PAK5: variants seen among roughly 807,000 people sequenced by gnomAD.
PAK5 encodes serine/threonine-protein kinase PAK 5.
Under a neutral mutation model 65.9 loss-of-function variants are expected in PAK5, and 16 were observed. The observed-to-expected ratio is 0.24, with a 90% CI of 0.16 to 0.37. The LOEUF (loss-of-function observed/expected upper bound fraction) is 0.37, where lower values mean the gene tolerates loss of function less well. Ranked by LOEUF, PAK5 falls within the 10% of genes least tolerant of loss-of-function variation. The pLI is 1.00. For missense variants in PAK5, 785 were observed against 903.9 expected (o/e 0.87, Z 1.69); for synonymous variants, 371 against 354.9 (o/e 1.05, Z -0.51).
intron 2 of PAK5, among the ~76,000 whole-genome samples, chr20:9,693,132 C>T (rs1483550605): frequency 1.3e-5 from 2 of 151,914 alleles, no homozygotes; most frequent in Non-Finnish European, 1.5e-5. Flanking sequence ...TTCCTGGTTC[C>T]GTGGATGGCA....
At chr20:9,743,401 C>CAAATG (rs1555920445) in intron 1 of PAK5, among the ~76,000 whole-genome samples, 9 of 56,050 alleles carry the variant, frequency 1.6e-4, no homozygotes, top group East Asian at 4.4e-4. Flanking sequence ...CAAAAAAAAA[C>CAAATG]AAACGAAACA....
intron 3 of PAK5, among the ~76,000 whole-genome samples, chr20:9,642,340 T>C (rs1391851220): frequency 6.6e-6 from 1 of 152,332 alleles, no homozygotes; most frequent in Non-Finnish European, 1.5e-5. Flanking sequence ...TTTTTAATGA[T>C]CACCATTCTA....
At chr20:9,771,661 T>A (rs1248325698) in intron 1 of PAK5, among the ~76,000 whole-genome samples, 2 of 146,744 alleles carry the variant, frequency 1.4e-5, no homozygotes, top group Non-Finnish European at 3.0e-5. Context: ...CCTCAAGTAA[T>A]CCTCCTGTAT....
chr20:9,543,891 T>C (rs543973571), intron 8 of PAK5, among the ~76,000 whole-genome samples: 1 of 152,338 alleles, frequency 6.6e-6, no homozygotes, highest in African/African-American at 2.4e-5. Context: ...ATATTATTTT[T>C]TTCCTATGAG....
chr20:9,667,349 T>TCCCAACCCTTCATCTGTTCCCACCAA (rs758811708), intron 2 of PAK5, among the ~76,000 whole-genome samples: 7 of 144,888 alleles, frequency 4.8e-5, no homozygotes, highest in South Asian at 2.1e-4. Context: ...GGCAGAGTTA[T>TCCCAACCCTTCATCTGTTCCCACCAA]GCTTTGCCAG....
chr20:9,756,790 T>C (rs1014348120), intron 1 of PAK5, among the ~76,000 whole-genome samples: 3 of 151,882 alleles, frequency 2.0e-5, no homozygotes, highest in African/African-American at 4.8e-5. Context: ...CTAAGGCATG[T>C]CCTCTCTCTA....
At chr20:9,816,639 A>G (rs754093993) in intron 1 of PAK5, among the ~76,000 whole-genome samples, 14 of 152,142 alleles carry the variant, frequency 9.2e-5, no homozygotes, top group Non-Finnish European at 1.8e-4. Flanking sequence ...ATTCTGACTC[A>G]GATTGGAATC....
At chr20:9,542,929 A>G (rs1385706356) in intron 8 of PAK5, among the ~76,000 whole-genome samples, 1 of 152,230 alleles carries the variant, frequency 6.6e-6, no homozygotes, top group Non-Finnish European at 1.5e-5. Flanking sequence ...TGAAGGTTCC[A>G]CCCATCAGAC....
chr20:9,762,391 A>G (rs983335695), intron 1 of PAK5, among the ~76,000 whole-genome samples: 5 of 152,192 alleles, frequency 3.3e-5, no homozygotes, highest in Non-Finnish European at 4.4e-5. Context: ...TCCAAAATCT[A>G]TAACAAACTC....
intron 1 of PAK5, among the ~76,000 whole-genome samples, chr20:9,756,810 G>C (rs1023936242): frequency 2.6e-5 from 4 of 152,104 alleles, no homozygotes; most frequent in Non-Finnish European, 4.4e-5. Context: ...ACACAGCAAA[G>C]GCCGGTTACT....
rs769510855 is a variant in PAK5, at chr20:9,580,304, G to A, written c.831C>T (p.Ser277=). The A allele has an allele frequency of 1.2e-6, 2 of 1,614,128 alleles. No homozygotes were observed. The highest frequency in any genetic ancestry group is 4.5e-5 in the East Asian group (2 of 44,874). The part of the protein sequence containing the change: ...RPKSSYLNQT[S]PQPTMRQRSR... ...ACCTCTGCCGCATGGTGGGCTGAGGGCTTGTCTGATTCAGGTACGAAGACT... is the reference window on the plus strand; with the variant it reads ...ACCTCTGCCGCATGGTGGGCTGAGGACTTGTCTGATTCAGGTACGAAGACT... The change falls in exon 4 of 10, where the codon AGC becomes AGT. Residue 277 remains serine (S), a synonymous_variant. Coordinates refer to ENST00000353224, the MANE Select transcript of PAK5 (RefSeq NM_177990.4).
intron 1 of PAK5, among the ~76,000 whole-genome samples, chr20:9,837,795 T>C (rs1002290462): frequency 6.6e-6 from 1 of 152,212 alleles, no homozygotes; most frequent in African/African-American, 2.4e-5. Context: ...TGTTCAGTCT[T>C]TCAAGCTGTC....
intron 2 of PAK5, among the ~76,000 whole-genome samples, chr20:9,695,801 T>TA (rs1005662790): frequency 6.0e-4 from 89 of 148,000 alleles, no homozygotes; most frequent in Admixed American, 1.6e-3. Flanking sequence ...TCTCAAATTC[T>TA]AAAAAAAAAA....
chr20:9,731,629 G>A (rs2048335734), intron 1 of PAK5, among the ~76,000 whole-genome samples: 1 of 152,156 alleles, frequency 6.6e-6, no homozygotes, highest in Non-Finnish European at 1.5e-5. Flanking sequence ...TCTAAAACAT[G>A]TTGATAGAAA....
chr20:9,697,488 G>A (rs1466226770), intron 2 of PAK5, among the ~76,000 whole-genome samples: 1 of 152,044 alleles, frequency 6.6e-6, no homozygotes, highest in Admixed American at 6.6e-5. Flanking sequence ...CCCTCTCAGA[G>A]AAGCTCCCCA....
intron 1 of PAK5, among the ~76,000 whole-genome samples, chr20:9,730,009 AAAAAAGAG>A (rs1388588292): frequency 1.2e-5 from 1 of 86,186 alleles, no homozygotes; most frequent in Non-Finnish European, 2.3e-5. Context: ...AAAAAAAAAA[AAAAAAGAG>A]AGAGAGAGAG....
chr20:9,655,596 G>C (rs1298948705), intron 2 of PAK5, among the ~76,000 whole-genome samples: 2 of 151,974 alleles, frequency 1.3e-5, no homozygotes, highest in Non-Finnish European at 2.9e-5. Context: ...TTTACGTTCT[G>C]GGGCTCTTAA....
intron 1 of PAK5, among the ~76,000 whole-genome samples, chr20:9,727,415 A>C (rs898739575): frequency 6.6e-6 from 1 of 152,152 alleles, no homozygotes; most frequent in African/African-American, 2.4e-5. Context: ...AAAAGTTACT[A>C]TATTTTTCCC....
intron 2 of PAK5, among the ~76,000 whole-genome samples, chr20:9,653,708 C>T (rs2047229929): frequency 6.6e-6 from 1 of 152,178 alleles, no homozygotes; most frequent in Non-Finnish European, 1.5e-5. Context: ...TAACAAATTT[C>T]CACAAACTTA....
Sources: allele counts gnomAD v4.1 joint callset (sites outside exome capture counted in the v4.1 genomes callset), GRCh38; gene constraint gnomAD v4.1.1; transcripts MANE v1.5; gene names NCBI Gene and HGNC (gene_info 2026-07-23, HGNC 2026-07-21).